Variants in C1QTNF7 observed in about 807,000 individuals in gnomAD.
The protein encoded by C1QTNF7 is C1q and TNF related 7, also known as complement C1q tumor necrosis factor-related protein 7.
Under a neutral mutation model 19.6 loss-of-function variants are expected in C1QTNF7, and 15 were observed. That is an observed-to-expected ratio of 0.76 (90% CI 0.51 to 1.18). The LOEUF is 1.18. Ranked by LOEUF, C1QTNF7 falls within the 50% of genes most tolerant of loss-of-function variation. C1QTNF7 has a pLI of 0.00. For missense variants in C1QTNF7, 324 were observed against 359.7 expected (o/e 0.90, Z 0.80); for synonymous variants, 142 against 137.5 (o/e 1.03, Z -0.23).
At chr4:15,392,255 G>A (rs1718586079) in intron 1 of C1QTNF7, among the ~76,000 whole-genome samples, 1 of 152,058 alleles carries the variant, frequency 6.6e-6, no homozygotes, top group African/African-American at 2.4e-5. Context: ...GACTGGGCTT[G>A]CACATTCATC....
intron 1 of C1QTNF7, among the ~76,000 whole-genome samples, chr4:15,381,588 T>G (rs1718144465): frequency 6.6e-6 from 1 of 152,188 alleles, no homozygotes; most frequent in South Asian, 2.1e-4. Flanking sequence ...ATGGGACGTC[T>G]CTGGACTACA....
At chr4:15,352,842 G>A (rs1159902746) in intron 1 of C1QTNF7, among the ~76,000 whole-genome samples, 3 of 152,042 alleles carry the variant, frequency 2.0e-5, no homozygotes, top group Non-Finnish European at 4.4e-5. Context: ...TCTCACACAC[G>A]CCAGCTCATC....
intron 1 of C1QTNF7, among the ~76,000 whole-genome samples, chr4:15,342,756 C>A (rs1288403608): frequency 6.6e-6 from 1 of 152,192 alleles, no homozygotes; most frequent in Non-Finnish European, 1.5e-5. Flanking sequence ...CAATGAACAG[C>A]ACTTTCATGG....
intron 1 of C1QTNF7, among the ~76,000 whole-genome samples, chr4:15,369,496 G>C (rs1397734904): frequency 6.6e-6 from 1 of 152,088 alleles, no homozygotes; most frequent in Non-Finnish European, 1.5e-5. Context: ...TGATAGCTTA[G>C]CCTCCTCCTA....
chr4:15,372,945 T>C (rs1265805026), intron 1 of C1QTNF7, among the ~76,000 whole-genome samples: 6 of 151,492 alleles, frequency 4.0e-5, no homozygotes. Context: ...GGAAAAAAAG[T>C]CAAGGCAGAA....
chr4:15,353,241 A>G lies in C1QTNF7; in HGVS notation c.13+13034A>G, dbSNP rs920347171. 2.6e-5 allele frequency among the ~76,000 whole-genome samples: 4 copies of G among 152,176 alleles called. No homozygotes were observed. The South Asian group carries it at 8.3e-4, about 32-fold the overall frequency. On this transcript the variant is annotated intron_variant, in intron 1 of 2. Transcript: ENST00000295297. ...GTGACATTTTGTGTTGCCTTTTAAA[A>G]AAATTAGTATTATATTTTAAAAGAA... is the stretch of plus-strand genomic sequence containing the variant.
At chr4:15,441,291 G>A (rs1273268644) in intron 2 of C1QTNF7, among the ~76,000 whole-genome samples, 2 of 152,174 alleles carry the variant, frequency 1.3e-5, no homozygotes, top group African/African-American at 4.8e-5. Flanking sequence ...TTCCTCATTT[G>A]CAATGAAAGT....
At chr4:15,351,311 T>C (rs1716927963) in intron 1 of C1QTNF7, among the ~76,000 whole-genome samples, 1 of 152,152 alleles carries the variant, frequency 6.6e-6, no homozygotes, top group Non-Finnish European at 1.5e-5. Context: ...GAACATACAT[T>C]AGTAAGCTTC....
intron 1 of C1QTNF7, 118 bp from the exon 2 acceptor site, chr4:15,435,618 G>GTA: frequency 7.1e-7 from 1 of 1,407,730 alleles, no homozygotes; most frequent in Non-Finnish European, 9.7e-7. Context: ...CTGGAAAGAC[G>GTA]AACACTGGAG....
chr4:15,429,108 T>A (rs1370535637), intron 1 of C1QTNF7, among the ~76,000 whole-genome samples: 1 of 152,200 alleles, frequency 6.6e-6, no homozygotes, highest in Non-Finnish European at 1.5e-5. Flanking sequence ...ACTTACTTCA[T>A]AACAAGTGGT....
chr4:15,419,359 G>A (rs1711628804), intron 1 of C1QTNF7, among the ~76,000 whole-genome samples: 1 of 152,188 alleles, frequency 6.6e-6, no homozygotes, highest in African/African-American at 2.4e-5. Flanking sequence ...TAGGAGAGAA[G>A]GGGGTTAAAT....
At chr4:15,371,974 G>A (rs1717752285) in intron 1 of C1QTNF7, among the ~76,000 whole-genome samples, 1 of 152,200 alleles carries the variant, frequency 6.6e-6, no homozygotes, top group African/African-American at 2.4e-5. Flanking sequence ...GGAGAAAAGA[G>A]GAGGTGGAGG....
Position 15,420,259 on chromosome 4 carries a change from T to C in C1QTNF7, c.14-15477T>C, listed in dbSNP as rs181783508. Among the ~76,000 whole-genome samples, 249 of 152,356 alleles carry C rather than the reference T, an allele frequency of 1.6e-3. 1 individual carries two copies. The highest frequency in any genetic ancestry group is 5.7e-3 in the African/African-American group (238 of 41,588). The stretch of plus-strand genomic sequence containing the variant: ...CATTAGCTCTCCATGAAAAAACTAC[T>C]TATTCCATCCTGGCACTTATTTTCT... On this transcript the variant is annotated intron_variant, in intron 1 of 2. Coordinates refer to the C1QTNF7 transcript ENST00000295297.
At chr4:15,380,196 C>T (rs1442749521) in intron 1 of C1QTNF7, among the ~76,000 whole-genome samples, 1 of 152,178 alleles carries the variant, frequency 6.6e-6, no homozygotes, top group Non-Finnish European at 1.5e-5. Flanking sequence ...AATAGGAATA[C>T]CTTTTAAAAT....
intron 1 of C1QTNF7, among the ~76,000 whole-genome samples, chr4:15,366,132 C>A (rs1207738300): frequency 4.6e-5 from 7 of 152,196 alleles, no homozygotes; most frequent in Admixed American, 2.0e-4. Flanking sequence ...GTAAGAGACA[C>A]AATTTACTGT....
intron 1 of C1QTNF7, among the ~76,000 whole-genome samples, chr4:15,371,496 C>T (rs891560276): frequency 1.3e-5 from 2 of 152,268 alleles, no homozygotes; most frequent in Non-Finnish European, 2.9e-5. Context: ...AGCAAAGCAT[C>T]CCTGGCTTCA....
chr4:15,400,539 A>G (rs1241416196), intron 1 of C1QTNF7, among the ~76,000 whole-genome samples: 1 of 152,182 alleles, frequency 6.6e-6, no homozygotes, highest in African/African-American at 2.4e-5. Context: ...ATTGTACAAT[A>G]TTTTCCCTCC....
chr4:15,374,632 A>G (rs755285459), intron 1 of C1QTNF7: 130 of 985,218 alleles, frequency 1.3e-4, no homozygotes, highest in Non-Finnish European at 1.5e-4. Flanking sequence ...CGAATCAGGA[A>G]ATTACTTATC....
chr4:15,342,214 C>T (rs1370900671), intron 1 of C1QTNF7, among the ~76,000 whole-genome samples: 5 of 152,146 alleles, frequency 3.3e-5, no homozygotes, highest in African/African-American at 4.8e-5. Flanking sequence ...GAGAGAAAGG[C>T]AGCGTCTGCA....
Sources: allele counts gnomAD v4.1 joint callset (sites outside exome capture counted in the v4.1 genomes callset), GRCh38; gene constraint gnomAD v4.1.1; transcripts MANE v1.5; gene names NCBI Gene and HGNC (gene_info 2026-07-23, HGNC 2026-07-21).